Variants in SPATA45 observed in about 807,000 individuals in gnomAD.
SPATA45 encodes the protein spermatogenesis-associated protein 45.
SPATA45 carries 5 observed loss-of-function variants against 7.0 expected under a neutral mutation model. The observed-to-expected ratio is 0.71, with a 90% CI of 0.37 to 1.50. The LOEUF (loss-of-function observed/expected upper bound fraction) is 1.50, where lower values mean the gene tolerates loss of function less well. SPATA45 is among the 40% of genes most tolerant of loss of function. The pLI is 0.03. For synonymous variants in SPATA45, 40 were observed against 38.7 expected (o/e 1.03, Z -0.13); for missense variants, 111 against 114.9 (o/e 0.97, Z 0.16).
At chr1:212,831,300 C>T (rs1381579837) in intron 2 of SPATA45, among the ~76,000 whole-genome samples, 1 of 150,944 alleles carries the variant, frequency 6.6e-6, no homozygotes, top group Non-Finnish European at 1.5e-5. Context: ...AAAATCCAGA[C>T]TCTATTAAAA....
chr1:212,835,397 A>C (rs1335803267), intron 2 of SPATA45, among the ~76,000 whole-genome samples: 3 of 151,474 alleles, frequency 2.0e-5, no homozygotes, highest in Non-Finnish European at 4.4e-5. Context: ...TTCGTGGTGC[A>C]TGCCTGTAAT....
At position 212,847,618 on chromosome 1, in the gene SPATA45, C is replaced by T. The variant is rs1186592133; in HGVS notation, c.-77G>A. 6.6e-6 allele frequency: 1 copy of T among 152,064 alleles called. No homozygotes were observed. The highest frequency in any genetic ancestry group is 1.5e-5 in the Non-Finnish European group (1 of 68,014). The allele number at this position is 152,064 out of a possible 1,614,324, so 9.4% of individuals were successfully genotyped here. The stretch of plus-strand genomic sequence containing the variant: ...CCATACAGCAACCCAAAGCGTGTTT[C>T]AAGTCCACTGGTGTGGATTAGCCCA... On this transcript the variant is annotated 5_prime_UTR_variant, in exon 1 of 3. Transcript: ENST00000332912.
At chr1:212,844,939 A>C (rs187717396) in intron 1 of SPATA45, among the ~76,000 whole-genome samples, 2 of 152,260 alleles carry the variant, frequency 1.3e-5, no homozygotes, top group Admixed American at 6.5e-5. Flanking sequence ...GTAACCAAAG[A>C]AGCAGCTAGC....
intron 1 of SPATA45, among the ~76,000 whole-genome samples, chr1:212,837,591 C>T (rs1288252608): frequency 2.0e-5 from 3 of 150,602 alleles, no homozygotes; most frequent in Admixed American, 6.6e-5. Flanking sequence ...TGAGATCACG[C>T]GATTGCACTC....
At chr1:212,834,346 A>G (rs1663550957) in intron 2 of SPATA45, among the ~76,000 whole-genome samples, 1 of 151,576 alleles carries the variant, frequency 6.6e-6, no homozygotes, top group South Asian at 2.1e-4. Flanking sequence ...AGACTAAGAA[A>G]CAAGTATTCA....
chr1:212,833,960 G>GT (rs2102508218), intron 2 of SPATA45, among the ~76,000 whole-genome samples: 1 of 151,904 alleles, frequency 6.6e-6, no homozygotes, highest in African/African-American at 2.4e-5. Flanking sequence ...AAAGTGAGAC[G>GT]TAATACTTCC....
At chr1:212,840,568 G>C (rs578252361) in intron 1 of SPATA45, among the ~76,000 whole-genome samples, 1 of 151,652 alleles carries the variant, frequency 6.6e-6, no homozygotes, top group Non-Finnish European at 1.5e-5. Flanking sequence ...TTACAGAGGC[G>C]CACCACCATG....
intron 1 of SPATA45, among the ~76,000 whole-genome samples, chr1:212,842,814 C>T (rs1231334424): frequency 2.0e-5 from 3 of 151,268 alleles, no homozygotes; most frequent in East Asian, 1.9e-4. Context: ...CTCGGCTGGG[C>T]GTGGTGGCTC....
At chr1:212,835,043 T>C (rs926245470) in intron 2 of SPATA45, among the ~76,000 whole-genome samples, 2 of 151,386 alleles carry the variant, frequency 1.3e-5, no homozygotes, top group Non-Finnish European at 3.0e-5. Flanking sequence ...TCTGTATGCA[T>C]AAAAAAAGAG....
Position 212,836,085 on chromosome 1 carries a change from A to G in SPATA45, c.65T>C (p.Leu22Pro). The change falls in exon 2 of 3, where the codon CTG becomes CCG. Residue 22 changes from leucine to proline, a missense_variant. Physicochemically the swap from Leu to Pro is moderately conservative, Grantham distance 98. Coordinates refer to ENST00000332912, the MANE Select transcript of SPATA45 (RefSeq NM_001024601.3). Reference sequence around the variant, plus strand: ...TTCACGCTTTTTGTTTATCTCCTCCAGGAGATGTTGTTTGCTTACTCCATG... The same window carrying G: ...TTCACGCTTTTTGTTTATCTCCTCCGGGAGATGTTGTTTGCTTACTCCATG... ...KKHGVSKQHLLEEINKKRESN... is the reference protein window; with the variant it reads ...KKHGVSKQHLPEEINKKRESN... The G allele has an allele frequency of 6.2e-7, 1 of 1,607,746 alleles. No individual in the cohort carries two copies. The highest frequency in any genetic ancestry group is 8.5e-7 in the Non-Finnish European group (1 of 1,174,624).
intron 1 of SPATA45, 110 bp from the exon 2 acceptor site, chr1:212,836,297 C>T: frequency 1.2e-6 from 1 of 812,372 alleles, no homozygotes; most frequent in Non-Finnish European, 1.9e-6. Flanking sequence ...AACACCACAA[C>T]CACCACCAAG....
At chr1:212,839,818 T>C (rs1663648422) in intron 1 of SPATA45, among the ~76,000 whole-genome samples, 1 of 151,594 alleles carries the variant, frequency 6.6e-6, no homozygotes, top group Non-Finnish European at 1.5e-5. Context: ...GTCAAAAACA[T>C]CAAACTGTAC....
chr1:212,847,121 G>C (rs1315402582), intron 1 of SPATA45, among the ~76,000 whole-genome samples: 2 of 152,008 alleles, frequency 1.3e-5, no homozygotes, highest in African/African-American at 4.8e-5. Context: ...GAACTCCTGG[G>C]GTCAAATGAT....
At chr1:212,831,317 A>G (rs1295573981) in intron 2 of SPATA45, among the ~76,000 whole-genome samples, 17 of 151,008 alleles carry the variant, frequency 1.1e-4, no homozygotes, top group Non-Finnish European at 2.1e-4. Context: ...AAAAAAATAC[A>G]AAAGTTAGCC....
At chr1:212,838,294 A>G (rs1038721223) in intron 1 of SPATA45, among the ~76,000 whole-genome samples, 8 of 105,976 alleles carry the variant, frequency 7.5e-5, no homozygotes, top group Non-Finnish European at 1.4e-4. Context: ...GCAGAGCAGG[A>G]CTTTGTCTAA....
At chr1:212,840,371 T>C (rs1277486627) in intron 1 of SPATA45, among the ~76,000 whole-genome samples, 3 of 152,068 alleles carry the variant, frequency 2.0e-5, no homozygotes, top group African/African-American at 7.2e-5. Context: ...GATCGTTCCA[T>C]TGCACCCCAG....
intron 1 of SPATA45, among the ~76,000 whole-genome samples, chr1:212,838,311 A>AC (rs1663623755): frequency 6.6e-6 from 1 of 151,336 alleles, no homozygotes; most frequent in Admixed American, 6.6e-5. Flanking sequence ...CTAAAAAAAA[A>AC]AAAAAAAATA....
chr1:212,836,271 T>A (rs1250103513), intron 1 of SPATA45, 84 bp from the exon 2 acceptor site: 1 of 1,107,908 alleles, frequency 9.0e-7, no homozygotes, highest in Admixed American at 2.4e-5. Context: ...GTTTCTCTTT[T>A]TGCCTTCTAT....
At chr1:212,835,266 G>T (rs1209515586) in intron 2 of SPATA45, among the ~76,000 whole-genome samples, 2 of 151,708 alleles carry the variant, frequency 1.3e-5, no homozygotes, top group Non-Finnish European at 2.9e-5. Flanking sequence ...GCTCACGCCT[G>T]TAATCCCAGC....
Sources: allele counts gnomAD v4.1 joint callset (sites outside exome capture counted in the v4.1 genomes callset), GRCh38; gene constraint gnomAD v4.1.1; transcripts MANE v1.5; gene names NCBI Gene and HGNC (gene_info 2026-07-23, HGNC 2026-07-21).